DYTN: variants seen among roughly 807,000 people sequenced by gnomAD.
DYTN encodes the protein dystrotelin.
DYTN carries 75 observed loss-of-function variants against 69.6 expected under a neutral mutation model. The observed-to-expected ratio is 1.08, with a 90% CI of 0.89 to 1.31. DYTN has a LOEUF of 1.31. Among genes scored for constraint, DYTN ranks in the 50% most tolerant of loss-of-function variants. The pLI is 0.00. For synonymous variants in DYTN, 252 were observed against 249.1 expected (o/e 1.01, Z -0.11); for missense variants, 726 against 688.4 (o/e 1.05, Z -0.61).
intron 5 of DYTN, chr2:206,701,194 C>T (rs1699973078): frequency 6.6e-6 from 1 of 152,182 alleles, no homozygotes; most frequent in Admixed American, 6.5e-5. Context: ...CCTAGAGTGG[C>T]TTTGAGAAAA....
At chr2:206,668,588 G>A in intron 9 of DYTN, among the ~76,000 whole-genome samples, 1 of 152,072 alleles carries the variant, frequency 6.6e-6, no homozygotes, top group Middle Eastern at 3.2e-3. Flanking sequence ...CTTTCTGGTG[G>A]AGGCTAAGCA....
chr2:206,707,583 G>GCTTTA (rs1317573422), intron 2 of DYTN, 80 bp from the exon 3 acceptor site: 1 of 1,403,108 alleles, frequency 7.1e-7, no homozygotes, highest in East Asian at 2.5e-5. Context: ...GTCATTTGGT[G>GCTTTA]TTTTATAATT....
At chr2:206,667,379 C>T (rs1195116639) in intron 9 of DYTN, among the ~76,000 whole-genome samples, 1 of 152,152 alleles carries the variant, frequency 6.6e-6, no homozygotes, top group Non-Finnish European at 1.5e-5. Context: ...TTGCTCAGTT[C>T]CCTCCCCAAC....
chr2:206,717,249 A>T (rs901444090), intron 1 of DYTN, among the ~76,000 whole-genome samples: 1 of 152,218 alleles, frequency 6.6e-6, no homozygotes, highest in Non-Finnish European at 1.5e-5. Flanking sequence ...TTGCTCAGCT[A>T]CATCAGTATA....
intron 10 of DYTN, among the ~76,000 whole-genome samples, chr2:206,663,953 A>G (rs531266252): frequency 6.6e-6 from 1 of 152,290 alleles, no homozygotes; most frequent in South Asian, 2.1e-4. Context: ...TTGTATTGAC[A>G]TGTGCACTGA....
Position 206,663,126 on chromosome 2 carries a change from T to C in DYTN, c.1410A>G (p.Gln470=). The C allele has an allele frequency of 6.2e-7, 1 of 1,613,900 alleles. No individual in the cohort carries two copies. The highest frequency in any genetic ancestry group is 1.7e-5 in the Admixed American group (1 of 59,996). The change falls in exon 11 of 12, where the codon CAA becomes CAG. Residue 470 remains glutamine, a synonymous_variant. Transcript: ENST00000452335. Reference sequence around the variant, plus strand: ...CACTAATGACTTTCTGTGGCATCTTTTGTGTTTGGCTTTGTGCCCTGGTGC... The same window carrying C: ...CACTAATGACTTTCTGTGGCATCTTCTGTGTTTGGCTTTGTGCCCTGGTGC... The part of the protein sequence containing the change: ...LHSTRAQSQT[Q]KMPQKVISAL...
At chr2:206,679,915 T>C (rs949537268) in intron 9 of DYTN, among the ~76,000 whole-genome samples, 2 of 152,194 alleles carry the variant, frequency 1.3e-5, no homozygotes, top group Non-Finnish European at 2.9e-5. Flanking sequence ...ATCTTGGTAT[T>C]GTTCTGCTCT....
chr2:206,675,848 G>A (rs114463344), intron 9 of DYTN, among the ~76,000 whole-genome samples: 41 of 152,222 alleles, frequency 2.7e-4, no homozygotes, highest in African/African-American at 9.4e-4. Flanking sequence ...ATCACTGGTC[G>A]TTAGAGAAAA....
intron 9 of DYTN, among the ~76,000 whole-genome samples, chr2:206,688,016 A>G (rs1699830766): frequency 6.6e-6 from 1 of 152,176 alleles, no homozygotes; most frequent in Admixed American, 6.5e-5. Context: ...ATTTTATCCT[A>G]TTTAGAAAAC....
rs116646500 is a variant in DYTN at position 206,689,466 on chromosome 2, G to A, written c.980+3709C>T. ...AACTCATCAAAGTCTAGGGTACACT[G>A]AAAATTATTACATAAGAATGTTATT... is the stretch of plus-strand genomic sequence containing the variant. On this transcript the variant is annotated intron_variant, in intron 9 of 11. Transcript: ENST00000452335. Among the ~76,000 whole-genome samples the A allele has an allele frequency of 2.0e-5, 3 of 152,306 alleles. No homozygotes were observed. The South Asian group carries it at 6.2e-4, about 32-fold the overall frequency.
chr2:206,683,625 T>C (rs1341330955), intron 9 of DYTN, among the ~76,000 whole-genome samples: 1 of 152,130 alleles, frequency 6.6e-6, no homozygotes, highest in African/African-American at 2.4e-5. Context: ...ATTACAGGCA[T>C]GAGCCACCGC....
At chr2:206,681,711 T>A (rs1699751945) in intron 9 of DYTN, among the ~76,000 whole-genome samples, 1 of 152,180 alleles carries the variant, frequency 6.6e-6, no homozygotes, top group African/African-American at 2.4e-5. Context: ...CAGCCTTGCA[T>A]CCCAGGGATG....
intron 9 of DYTN, among the ~76,000 whole-genome samples, chr2:206,679,586 G>A (rs1699727829): frequency 6.6e-6 from 1 of 152,046 alleles, no homozygotes; most frequent in Admixed American, 6.6e-5. Context: ...ATTCCATTTG[G>A]TTTCATTCCT....
At chr2:206,679,637 C>A (rs1699728831) in intron 9 of DYTN, among the ~76,000 whole-genome samples, 1 of 152,052 alleles carries the variant, frequency 6.6e-6, no homozygotes, top group Admixed American at 6.6e-5. Flanking sequence ...CAAGTTATGG[C>A]AGATATAAAA....
At chr2:206,659,484 CAA>C (rs772861150) in intron 11 of DYTN, among the ~76,000 whole-genome samples, 29 of 64,570 alleles carry the variant, frequency 4.5e-4, no homozygotes, top group African/African-American at 6.2e-4. Context: ...CAACAATTCT[CAA>C]AAAAAAAAAA....
rs369410820 is a variant in DYTN at position 206,707,461 on chromosome 2, C to G, written c.137G>C (p.Arg46Pro). The G allele has an allele frequency of 6.2e-7, 1 of 1,612,232 alleles. No homozygotes were observed. The highest frequency in any genetic ancestry group is 2.2e-5 in the East Asian group (1 of 44,826). ...CTTGCGAGCTTCCCAGAAACTTGGACGCAGTAGGACCTGCTGAATCAGGGA... is the reference window on the plus strand; with the variant it reads ...CTTGCGAGCTTCCCAGAAACTTGGAGGCAGTAGGACCTGCTGAATCAGGGA... ...DSSLIQQVLL[R>P]PSFWEARKHS... The change falls in exon 3 of 12, where the codon CGT becomes CCT. Residue 46 changes from arginine (R) to proline (P), a missense_variant. Coordinates refer to ENST00000452335, the MANE Select transcript of DYTN (RefSeq NM_001093730.1).
rs1403571004 is a variant in DYTN, at chr2:206,694,869, C to G, written c.728G>C (p.Cys243Ser). 1 of 1,587,242 alleles carries G rather than the reference C, an allele frequency of 6.3e-7. No homozygotes were observed. The highest frequency in any genetic ancestry group is 1.8e-5 in the Admixed American group (1 of 55,990). ...GATGTCAAAGTTGAGACACTTCAGA[C>G]AGCGGTATCTGCCAGTTAAAATAGA... ...TFPITGLRYR[C>S]LKCLNFDICQ... is the part of the protein sequence containing the mutation. Residue 243 changes from cysteine (C) to serine (S), a missense_variant, in exon 8 of 12, where the codon TGT (cysteine) becomes TCT (serine). Physicochemically the swap from Cys to Ser is moderately radical, Grantham distance 112. Transcript: ENST00000452335.
chr2:206,667,683 C>CA (rs1699587842), intron 9 of DYTN, among the ~76,000 whole-genome samples: 2 of 144,530 alleles, frequency 1.4e-5, no homozygotes, highest in South Asian at 2.2e-4. Context: ...TTTATTCTGG[C>CA]AACTTTGCGT....
intron 11 of DYTN, among the ~76,000 whole-genome samples, chr2:206,656,623 A>T (rs1185249298): frequency 6.6e-6 from 1 of 152,068 alleles, no homozygotes; most frequent in Non-Finnish European, 1.5e-5. Flanking sequence ...TGCATCTTTG[A>T]CAGCTATTAT....
Sources: gnomAD v4.1 joint callset for allele counts (sites outside exome capture counted in the v4.1 genomes callset) on GRCh38, gnomAD v4.1.1 for gene constraint, MANE v1.5 for transcripts, NCBI Gene and HGNC (gene_info 2026-07-23, HGNC 2026-07-21) for gene names.